BSCL2: variants seen among roughly 807,000 people sequenced by gnomAD.
BSCL2 encodes seipin.
In BSCL2, 41 loss-of-function variants were observed where a neutral mutation model predicts 57.4. That is an observed-to-expected ratio of 0.71 (90% confidence interval 0.56 to 0.93). BSCL2 has a LOEUF of 0.93. BSCL2 is among the 40% of genes least tolerant of loss of function. BSCL2 has a pLI of 0.00. For missense variants in BSCL2, 539 were observed against 586.7 expected (o/e 0.92, Z 0.84); for synonymous variants, 237 against 227.3 (o/e 1.04, Z -0.38).
chr11:62,698,779 G>A (rs912364957), intron 3 of BSCL2, among the ~76,000 whole-genome samples: 7 of 152,070 alleles, frequency 4.6e-5, no homozygotes, highest in Non-Finnish European at 8.8e-5. Flanking sequence ...ACACCTGATC[G>A]TTTGAGGCTC....
rs945376749 is a variant in BSCL2 at position 62,690,344 on chromosome 11, T to C, written c.*23A>G. 1 of 1,613,532 alleles carries C rather than the reference T, an allele frequency of 6.2e-7. No homozygotes were observed. The highest frequency in any genetic ancestry group is 1.3e-5 in the African/African-American group (1 of 74,982). Reference sequence around the variant, plus strand: ...GGAGTCAGGTGGGAAAGTGCTGGAATGTGAGGAGTCTGCCCCTTTTCTTCA... The same window carrying C: ...GGAGTCAGGTGGGAAAGTGCTGGAACGTGAGGAGTCTGCCCCTTTTCTTCA... On this transcript the variant is annotated 3_prime_UTR_variant, in exon 11 of 11. Transcript: ENST00000360796.
At chr11:62,703,346 CGTT>C (rs1375277240) in intron 2 of BSCL2, among the ~76,000 whole-genome samples, 2 of 125,148 alleles carry the variant, frequency 1.6e-5, no homozygotes, top group African/African-American at 5.9e-5. Flanking sequence ...CATGCATATA[CGTT>C]TTTTTTTTTT....
At chr11:62,704,060 G>A (rs1012978271) in intron 2 of BSCL2, among the ~76,000 whole-genome samples, 2 of 151,458 alleles carry the variant, frequency 1.3e-5, no homozygotes, top group Admixed American at 1.3e-4. Flanking sequence ...TGGAGGCAGA[G>A]GTTGCAGTGA....
At chr11:62,691,503 G>A in intron 6 of BSCL2, 82 bp from the exon 7 acceptor site, 5 of 1,543,028 alleles carry the variant, frequency 3.2e-6, no homozygotes, top group Non-Finnish European at 4.5e-6. Flanking sequence ...ATAATTTCTA[G>A]GGCAATTCAA....
chr11:62,694,678 A>C lies in BSCL2; in HGVS notation c.520T>G (p.Leu174Val). The change falls in exon 4 of 11, where the codon TTA (leucine) becomes GTA (valine). Residue 174 changes from leucine to valine, a missense_variant. Transcript: ENST00000360796. ...LMYGQPYRVT[L>V]ELELPESPVN... is the part of the protein sequence containing the mutation. The stretch of plus-strand genomic sequence containing the variant: ...GGGGACTCTGGCAGCTCAAGCTCTA[A>C]GGTAACACGATACGGCTGTCCATAC... 6.2e-7 allele frequency: 1 copy of C among 1,614,156 alleles called. No individual in the cohort carries two copies. The highest frequency in any genetic ancestry group is 8.5e-7 in the Non-Finnish European group (1 of 1,180,020).
At chr11:62,709,516 G>A (rs947785512), upstream of BSCL2, 1 of 453,114 alleles carries the variant, frequency 2.2e-6, no homozygotes, top group Admixed American at 2.4e-5. Flanking sequence ...ACTCTTAGGA[G>A]GGTAGGGGCG....
At position 62,691,125 on chromosome 11, in the gene BSCL2, C is replaced by G. The variant is rs144725547; in HGVS notation, c.1022G>C (p.Arg341Thr). The G allele has an allele frequency of 3.1e-6, 5 of 1,614,248 alleles. No individual in the cohort carries two copies. The highest frequency in any genetic ancestry group is 1.7e-5 in the Admixed American group (1 of 60,026). The change falls in exon 8 of 11, where the codon AGA becomes ACA. Residue 341 changes from arginine (R) to threonine (T), a missense_variant. Physicochemically the swap from Arg to Thr is moderately conservative, Grantham distance 71 (BLOSUM62 -1). Transcript: ENST00000360796. The part of the protein sequence containing the change: ...RFSLQVNIRK[R>T]DNSRKEVQRR... ...TTGGACTTCCTTCCGGGAATTGTCT[C>G]TTTTTCGGATGTTAACCTGTGGAGG...
Position 62,705,759 on chromosome 11 carries a change from G to C in BSCL2, c.88-142C>G, listed in dbSNP as rs191835830. On this transcript the variant is annotated intron_variant, in intron 1 of 10. Coordinates refer to ENST00000360796, the MANE Select transcript of BSCL2 (RefSeq NM_001122955.4). ...TCATATATATGGCCTTTCTCCAAATGATTGTGCCACTCTGCCAATTACCCC... is the reference window on the plus strand; with the variant it reads ...TCATATATATGGCCTTTCTCCAAATCATTGTGCCACTCTGCCAATTACCCC... 2.8e-3 allele frequency: 2,342 copies of C among 845,104 alleles called. 17 individuals are homozygous for C. The highest frequency in any genetic ancestry group is 2.6e-3 in the Non-Finnish European group (1,456 of 564,228). 52.4% of individuals were successfully genotyped at this position (845,104 alleles called of 1,614,324 possible).
At chr11:62,696,236 CT>C (rs974079760) in intron 3 of BSCL2, among the ~76,000 whole-genome samples, 4 of 151,284 alleles carry the variant, frequency 2.6e-5, no homozygotes, top group Non-Finnish European at 4.4e-5. Context: ...TCCTACCCCC[CT>C]GTAGAGACCA....
In BSCL2 at chr11:62,691,348, T is replaced by A; in HGVS notation, c.937A>T (p.Ile313Phe). 1 of 1,614,182 alleles carries A rather than the reference T, an allele frequency of 6.2e-7. No homozygotes were observed. The highest frequency in any genetic ancestry group is 2.2e-5 in the East Asian group (1 of 44,886). The stretch of plus-strand genomic sequence containing the variant: ...CACTGCATGTAGCTGAAGAGCACGA[T>A]GACGCTGAGGAAGGTGAAGTTGCTG... ...VASNFTFLSV[I>F]VLFSYMQWVW... The change falls in exon 7 of 11, where the codon ATC (isoleucine) becomes TTC (phenylalanine). Residue 313 changes from isoleucine (I) to phenylalanine (F), a missense_variant. This residue lies in a region of BSCL2 where 248 missense variants were observed against 239.9 expected (regional missense o/e 1.03). Transcript: ENST00000360796.
intron 1 of BSCL2, chr11:62,706,000 T>C (rs1191257782): frequency 3.3e-5 from 7 of 213,354 alleles, no homozygotes; most frequent in Non-Finnish European, 6.5e-5. Context: ...ATGTGCGACT[T>C]GCCTAAGGTC....
At chr11:62,707,910 C>T, upstream of BSCL2, 2 of 282,890 alleles carry the variant, frequency 7.1e-6, no homozygotes, top group Non-Finnish European at 1.4e-5. Context: ...CCGCTTGTGG[C>T]TTCAGGTAAG....
intron 3 of BSCL2, among the ~76,000 whole-genome samples, chr11:62,700,316 A>T (rs988602302): frequency 6.6e-6 from 1 of 152,014 alleles, no homozygotes; most frequent in Admixed American, 6.6e-5. Context: ...TTCTATCATT[A>T]CATCAGTTTC....
rs772536764 is a variant in BSCL2 at position 62,702,476 on chromosome 11, G to A, written c.478C>T (p.Arg160Cys). 18 of 1,611,914 alleles carry A rather than the reference G, an allele frequency of 1.1e-5. No individual in the cohort carries two copies. Among genetic ancestry groups the A allele is most frequent in the South Asian group, 9.9e-5 (9 of 91,006 alleles). ...VANVSLTKGG[R>C]DRVLMYGQPY... The stretch of plus-strand genomic sequence containing the variant: ...CTAGTTCCCATACTCACCCGATCAC[G>A]TCCACCCTTAGTCAGCGAGACATTG... Residue 160 changes from arginine (R) to cysteine (C), a missense_variant, in exon 3 of 11, where the codon CGT (arginine) becomes TGT (cysteine). Arg to Cys is a radical substitution (Grantham distance 180, BLOSUM62 -3). Around this residue, in one of 3 missense-constraint regions of BSCL2, gnomAD observed 218 missense variants for 224.8 expected, o/e 0.97. Coordinates refer to ENST00000360796, the MANE Select transcript of BSCL2 (RefSeq NM_001122955.4).
At chr11:62,701,925 C>T (rs1945655829) in intron 3 of BSCL2, among the ~76,000 whole-genome samples, 1 of 151,858 alleles carries the variant, frequency 6.6e-6, no homozygotes, top group African/African-American at 2.4e-5. Context: ...TTTTGCACCA[C>T]AGTAAGTTGA....
At chr11:62,696,640 C>T (rs1945474352) in intron 3 of BSCL2, among the ~76,000 whole-genome samples, 1 of 152,048 alleles carries the variant, frequency 6.6e-6, no homozygotes, top group African/African-American at 2.4e-5. Flanking sequence ...CACTGGCAGC[C>T]TCAACCTCCT....
At chr11:62,691,528 A>G in intron 6 of BSCL2, 107 bp from the exon 7 acceptor site, 1 of 1,390,386 alleles carries the variant, frequency 7.2e-7, no homozygotes, top group Non-Finnish European at 1.0e-6. Flanking sequence ...GTTTGGTTAC[A>G]GCTGGCTCTG....
At chr11:62,704,131 A>G (rs1480573382) in intron 2 of BSCL2, among the ~76,000 whole-genome samples, 1 of 130,986 alleles carries the variant, frequency 7.6e-6, no homozygotes, top group East Asian at 2.1e-4. Context: ...TCTCAAAAAG[A>G]AAAAAAAAAA....
chr11:62,709,430 G>A, upstream of BSCL2: 1 of 453,992 alleles, frequency 2.2e-6, no homozygotes, highest in Non-Finnish European at 4.4e-6. Context: ...GTGCAACGAA[G>A]CCAAGTTAAA....
Sources: allele counts gnomAD v4.1 joint callset (sites outside exome capture counted in the v4.1 genomes callset), GRCh38; gene constraint gnomAD v4.1.1; regional missense constraint gnomAD v4.1.1; transcripts MANE v1.5; gene names NCBI Gene and HGNC (gene_info 2026-07-23, HGNC 2026-07-21).